The following ADAMTS2 variants were observed in gnomAD, a reference collection of about 807,000 sequenced individuals.
The protein encoded by ADAMTS2 is A disintegrin and metalloproteinase with thrombospondin motifs 2.
Under a neutral mutation model 123.0 loss-of-function variants are expected in ADAMTS2, and 50 were observed. That is an observed-to-expected ratio of 0.41 (90% CI 0.32 to 0.51). ADAMTS2 has a LOEUF of 0.51. Among genes scored for constraint, ADAMTS2 ranks in the 20% least tolerant of loss-of-function variants. ADAMTS2 has a pLI of 0.35. For missense variants in ADAMTS2, 1,494 were observed against 1,705.2 expected (o/e 0.88, Z 2.18); for synonymous variants, 678 against 695.4 (o/e 0.98, Z 0.39).
rs757848152 is a variant in ADAMTS2, at chr5:179,128,080, G to A, written c.2496C>T (p.Tyr832=). ...PVGDTRVSLT[Y]KYMIHEDSLN... ...GTGAGTCCTCATGGATCATGTATTT[G>A]TACGTCAGTGAGACCCGGGTGTCTC... The change falls in exon 17 of 22, where the codon TAC becomes TAT. Residue 832 remains tyrosine (Y), a synonymous_variant. Transcript: ENST00000251582. The surrounding 1 kb of genome is among the most constrained non-coding windows in gnomAD (Gnocchi z 4.9). The A allele has an allele frequency of 1.2e-6, 2 of 1,613,966 alleles. No homozygotes were observed. The highest frequency in any genetic ancestry group is 2.2e-5 in the East Asian group (1 of 44,868).
intron 5 of ADAMTS2, among the ~76,000 whole-genome samples, chr5:179,177,584 C>T (rs1436503796): frequency 1.3e-5 from 2 of 152,280 alleles, no homozygotes; most frequent in Admixed American, 6.5e-5. Context: ...GCATATTCTC[C>T]ATTTTTTGGA....
chr5:179,229,784 A>G (rs892665190), intron 3 of ADAMTS2, among the ~76,000 whole-genome samples: 3 of 152,218 alleles, frequency 2.0e-5, no homozygotes, highest in Non-Finnish European at 4.4e-5. Flanking sequence ...TCCAGCGCAC[A>G]TCATCCCTCC....
At chr5:179,309,575 G>T (rs1253369902) in intron 2 of ADAMTS2, among the ~76,000 whole-genome samples, 1 of 152,048 alleles carries the variant, frequency 6.6e-6, no homozygotes, top group Non-Finnish European at 1.5e-5. Flanking sequence ...GGCTAACATG[G>T]TGAAACCCTG....
rs1764600143 is a variant in ADAMTS2, at chr5:179,202,811, T to G, written c.891+4702A>C. ...TACTGGGACACATGGCTTCCAAGGTTTCCGTGGCAGGGGAGACAGAGATGG... is the reference window on the plus strand; with the variant it reads ...TACTGGGACACATGGCTTCCAAGGTGTCCGTGGCAGGGGAGACAGAGATGG... On this transcript the variant is annotated intron_variant, in intron 4 of 21. Transcript: ENST00000251582. The surrounding 1 kb of genome is among the most constrained non-coding windows in gnomAD (Gnocchi z 4.0). 6.6e-6 allele frequency among the ~76,000 whole-genome samples: 1 copy of G among 152,176 alleles called. No individual in the cohort carries two copies. Among genetic ancestry groups the G allele is most frequent in the Non-Finnish European group, 1.5e-5 (1 of 68,020 alleles).
chr5:179,332,086 A>G lies in ADAMTS2; in HGVS notation c.534+11681T>C, dbSNP rs1245603936. 6.6e-6 allele frequency among the ~76,000 whole-genome samples: 1 copy of G among 152,252 alleles called. No individual in the cohort carries two copies. Among genetic ancestry groups the G allele is most frequent in the Non-Finnish European group, 1.5e-5 (1 of 68,042 alleles). Reference sequence around the variant, plus strand: ...TAATTTGCTATTAGGTTGGTGCAAAAGTAACTGTGACCTTGGAATCAGACA... The same window carrying G: ...TAATTTGCTATTAGGTTGGTGCAAAGGTAACTGTGACCTTGGAATCAGACA... On this transcript the variant is annotated intron_variant, in intron 2 of 21. Coordinates refer to ENST00000251582, the MANE Select transcript of ADAMTS2 (RefSeq NM_014244.5). This position sits in a 1 kb window ranked among gnomAD's most constrained non-coding sequence, Gnocchi z 4.2.
At chr5:179,301,780 G>A (rs981399093) in intron 2 of ADAMTS2, among the ~76,000 whole-genome samples, 1 of 152,284 alleles carries the variant, frequency 6.6e-6, no homozygotes, top group Non-Finnish European at 1.5e-5. Flanking sequence ...ATGAGGGCAG[G>A]ACCCCTGCAC....
chr5:179,270,400 G>A (rs1209182040), intron 3 of ADAMTS2, among the ~76,000 whole-genome samples: 1 of 152,176 alleles, frequency 6.6e-6, no homozygotes, highest in Non-Finnish European at 1.5e-5. Flanking sequence ...ACTTCCAGAC[G>A]TTGCTTTTGG....
At chr5:179,247,228 G>C (rs1765821575) in intron 3 of ADAMTS2, among the ~76,000 whole-genome samples, 1 of 152,140 alleles carries the variant, frequency 6.6e-6, no homozygotes, top group Non-Finnish European at 1.5e-5. Context: ...CAATTTTGGA[G>C]CTGAAAAGCA....
chr5:179,240,154 GAAGATATGAA>G (rs1201447716), intron 3 of ADAMTS2, among the ~76,000 whole-genome samples: 1 of 152,218 alleles, frequency 6.6e-6, no homozygotes, highest in Non-Finnish European at 1.5e-5. Context: ...TCAGAGGACG[GAAGATATGAA>G]AAGTCATCTG....
chr5:179,243,822 A>C (rs1765721172), intron 3 of ADAMTS2, among the ~76,000 whole-genome samples: 1 of 152,242 alleles, frequency 6.6e-6, no homozygotes, highest in African/African-American at 2.4e-5. Flanking sequence ...TATCTCATCA[A>C]ATAAAGACTA....
chr5:179,214,282 T>C (rs1433758297), intron 3 of ADAMTS2, among the ~76,000 whole-genome samples: 1 of 119,934 alleles, frequency 8.3e-6, no homozygotes, highest in African/African-American at 3.0e-5. Flanking sequence ...TCAAAAGCCG[T>C]GCCCACAATC....
At chr5:179,186,217 A>G (rs1311935300) in intron 4 of ADAMTS2, among the ~76,000 whole-genome samples, 1 of 152,116 alleles carries the variant, frequency 6.6e-6, no homozygotes, top group Non-Finnish European at 1.5e-5. Flanking sequence ...AGCCCCTCCC[A>G]GCAGTCAGGA....
rs73806891 is a variant in ADAMTS2, at chr5:179,119,945, G to A, written c.3178+1716C>T. On this transcript the variant is annotated intron_variant, in intron 21 of 21. Coordinates refer to ENST00000251582, the MANE Select transcript of ADAMTS2 (RefSeq NM_014244.5). Reference sequence around the variant, plus strand: ...GATTCAAAACCCGGAGTCACGGTGGGGTGTCTGCACGGTTTGCTATCAGAT... The same window carrying A: ...GATTCAAAACCCGGAGTCACGGTGGAGTGTCTGCACGGTTTGCTATCAGAT... 6.9e-3 allele frequency among the ~76,000 whole-genome samples: 1,047 copies of A among 152,264 alleles called. 14 individuals are homozygous for A. The highest frequency in any genetic ancestry group is 0.024 in the African/African-American group (990 of 41,538).
At chr5:179,166,860 C>G (rs1376628803) in intron 5 of ADAMTS2, among the ~76,000 whole-genome samples, 1 of 152,226 alleles carries the variant, frequency 6.6e-6, no homozygotes, top group Non-Finnish European at 1.5e-5. Context: ...CCTCCCTTCA[C>G]GGAGCAATCC....
chr5:179,160,677 A>G (rs1763576461), intron 5 of ADAMTS2, among the ~76,000 whole-genome samples: 1 of 152,208 alleles, frequency 6.6e-6, no homozygotes, highest in African/African-American at 2.4e-5. Context: ...GGTTTCCATG[A>G]GTCCCGATGA....
At chr5:179,239,406 G>A (rs1323784128) in intron 3 of ADAMTS2, among the ~76,000 whole-genome samples, 3 of 152,182 alleles carry the variant, frequency 2.0e-5, no homozygotes, top group Non-Finnish European at 1.5e-5. Context: ...AGCTGGGGAA[G>A]GCCGAGGGTG....
At chr5:179,342,120 AGGTGCT>A (rs1231730587) in intron 2 of ADAMTS2, among the ~76,000 whole-genome samples, 1 of 152,164 alleles carries the variant, frequency 6.6e-6, no homozygotes, top group Non-Finnish European at 1.5e-5. Flanking sequence ...ACATATGAGA[AGGTGCT>A]GGCTGAAAAA....
intron 2 of ADAMTS2, among the ~76,000 whole-genome samples, chr5:179,339,267 C>T (rs1757702371): frequency 6.6e-6 from 1 of 152,360 alleles, no homozygotes; most frequent in South Asian, 2.1e-4. Context: ...ACAGGTGTCA[C>T]CCAGAGAGGA....
intron 3 of ADAMTS2, among the ~76,000 whole-genome samples, chr5:179,220,889 C>T (rs1237445533): frequency 6.6e-6 from 1 of 152,190 alleles, no homozygotes; most frequent in Non-Finnish European, 1.5e-5. Flanking sequence ...TTGCAGCCAA[C>T]ACAAGCGGGA....
Sources: gnomAD v4.1 joint callset for allele counts (sites outside exome capture counted in the v4.1 genomes callset) on GRCh38, gnomAD v4.1.1 for gene constraint, Gnocchi (gnomAD v3.1) non-coding constraint, MANE v1.5 for transcripts, NCBI Gene and HGNC (gene_info 2026-07-23, HGNC 2026-07-21) for gene names.